Variants in MRAP2 observed in about 807,000 individuals in gnomAD.
The protein encoded by MRAP2 is melanocortin 2 receptor accessory protein 2.
In MRAP2, 20 loss-of-function variants were observed where a neutral mutation model predicts 17.4. The observed-to-expected ratio is 1.15, with a 90% CI of 0.81 to 1.67. The LOEUF (loss-of-function observed/expected upper bound fraction) is 1.67. MRAP2 is among the 40% of genes most tolerant of loss of function. MRAP2 has a pLI of 0.00. For synonymous variants in MRAP2, 96 were observed against 88.4 expected, an observed-to-expected ratio of 1.09 and a Z score of -0.48; for missense variants, 238 against 240.0, an observed-to-expected ratio of 0.99 and a Z score of 0.05.
At chr6:84,045,781 G>GACAC (rs1414022712) in intron 1 of MRAP2, among the ~76,000 whole-genome samples, 2 of 151,786 alleles carry the variant, frequency 1.3e-5, no homozygotes, top group South Asian at 4.2e-4. Context: ...AGTATATACA[G>GACAC]ACACACACAC....
At chr6:84,101,975 G>A in the MRAP2 span, among the ~76,000 whole-genome samples, 1 of 152,164 alleles carries the variant, frequency 6.6e-6, no homozygotes, top group South Asian at 2.1e-4. Context: ...CACAGGGGAT[G>A]TGTGTAAGTC....
At chr6:84,107,945 A>G in the MRAP2 span, among the ~76,000 whole-genome samples, 1 of 152,242 alleles carries the variant, frequency 6.6e-6, no homozygotes, top group African/African-American at 2.4e-5. Context: ...CCAGGATATT[A>G]ACCACTGATC....
At chr6:84,098,672 T>C in the MRAP2 span, among the ~76,000 whole-genome samples, 4 of 152,212 alleles carry the variant, frequency 2.6e-5, no homozygotes, top group Non-Finnish European at 5.9e-5. Flanking sequence ...AATATGCATG[T>C]GTAGTAGTAT....
the MRAP2 span, among the ~76,000 whole-genome samples, chr6:84,104,597 A>G: frequency 3.9e-5 from 6 of 152,298 alleles, no homozygotes; most frequent in East Asian, 1.2e-3. Flanking sequence ...GGCTGGGCGC[A>G]GTGGCTCACG....
chr6:84,060,631 T>A (rs2099492875), intron 2 of MRAP2, among the ~76,000 whole-genome samples: 1 of 152,158 alleles, frequency 6.6e-6, no homozygotes, highest in Non-Finnish European at 1.5e-5. Context: ...AGTTGAGATT[T>A]AATTGTTTCA....
At chr6:84,116,467 A>T in the MRAP2 span, among the ~76,000 whole-genome samples, 168 of 152,210 alleles carry the variant, frequency 1.1e-3, no homozygotes, top group African/African-American at 3.8e-3. Flanking sequence ...AGCCACATAG[A>T]ATTGTGAATC....
intron 1 of MRAP2, among the ~76,000 whole-genome samples, chr6:84,044,486 C>T (rs2099488468): frequency 6.6e-6 from 1 of 152,208 alleles, no homozygotes; most frequent in South Asian, 2.1e-4. Flanking sequence ...GACTGGAAGT[C>T]CAAGATCAAG....
At chr6:84,064,581 G>A (rs1435228651) in intron 3 of MRAP2, among the ~76,000 whole-genome samples, 5 of 152,092 alleles carry the variant, frequency 3.3e-5, no homozygotes, top group African/African-American at 4.8e-5. Context: ...TCCGCCTCCC[G>A]GGTTCACGCC....
At chr6:84,037,247 A>G (rs917109656) in intron 1 of MRAP2, among the ~76,000 whole-genome samples, 1 of 151,860 alleles carries the variant, frequency 6.6e-6, no homozygotes, top group Non-Finnish European at 1.5e-5. Flanking sequence ...TTAGCTAGAC[A>G]TAAAAGTTCT....
the MRAP2 span, chr6:84,124,896 TTA>T: frequency 3.2e-6 from 2 of 623,816 alleles, no homozygotes; most frequent in Non-Finnish European, 2.8e-6. Flanking sequence ...AAATACACCA[TTA>T]TATGTTTTTT....
chr6:84,118,589 G>A, the MRAP2 span, among the ~76,000 whole-genome samples: 1 of 152,190 alleles, frequency 6.6e-6, no homozygotes, highest in East Asian at 1.9e-4. Flanking sequence ...ACTTTCTAAA[G>A]CCTGCAGGCT....
intron 1 of MRAP2, among the ~76,000 whole-genome samples, chr6:84,041,155 C>A (rs1340078675): frequency 6.6e-6 from 1 of 152,174 alleles, no homozygotes; most frequent in East Asian, 1.9e-4. Context: ...ACAAAGGGGC[C>A]AAGGTATAGC....
chr6:84,036,562 C>T (rs137887343), intron 1 of MRAP2, among the ~76,000 whole-genome samples: 25 of 152,122 alleles, frequency 1.6e-4, no homozygotes, highest in East Asian at 5.8e-4. Flanking sequence ...CAGACCTTCA[C>T]GGTGAGTGTT....
chr6:84,060,252 G>A lies in MRAP2; in HGVS notation c.128-2641G>A, dbSNP rs147979191. On this transcript the variant is annotated intron_variant, in intron 2 of 3. Transcript: ENST00000257776. ...CAGCCTGCCTCTCCCCAACTCTGCC[G>A]CCACCTGCCTTCTCTGAAGGCTGTA... Among the ~76,000 whole-genome samples the A allele has an allele frequency of 3.9e-5, 6 of 152,240 alleles. No homozygotes were observed. In the East Asian group the frequency reaches 5.8e-4, roughly 15 times the overall value.
chr6:84,145,477 A>G, the MRAP2 span, among the ~76,000 whole-genome samples: 1 of 152,180 alleles, frequency 6.6e-6, no homozygotes, highest in South Asian at 2.1e-4. Context: ...TATCTCTGAT[A>G]GAAATGAGGG....
At chr6:84,105,632 A>T in the MRAP2 span, among the ~76,000 whole-genome samples, 1 of 152,108 alleles carries the variant, frequency 6.6e-6, no homozygotes, top group Non-Finnish European at 1.5e-5. Flanking sequence ...ACCCTAAGGG[A>T]TCTTCTGTAT....
At chr6:84,127,597 GACTAA>G in the MRAP2 span, among the ~76,000 whole-genome samples, 26 of 152,108 alleles carry the variant, frequency 1.7e-4, no homozygotes, top group Non-Finnish European at 3.1e-4. Context: ...AAAAACTAAT[GACTAA>G]ACTAAGAAAG....
chr6:84,118,254 C>T, the MRAP2 span, among the ~76,000 whole-genome samples: 1 of 151,482 alleles, frequency 6.6e-6, no homozygotes, highest in Admixed American at 6.6e-5. Context: ...TTTAAAGCAG[C>T]ATTCTGGCCG....
the MRAP2 span, among the ~76,000 whole-genome samples, chr6:84,096,082 T>C: frequency 6.6e-6 from 1 of 152,232 alleles, no homozygotes; most frequent in East Asian, 1.9e-4. Flanking sequence ...TTTCCACCTG[T>C]TCTCTATGGA....
Sources: allele counts gnomAD v4.1 joint callset (sites outside exome capture counted in the v4.1 genomes callset), GRCh38; gene constraint gnomAD v4.1.1; transcripts MANE v1.5; gene names NCBI Gene and HGNC (gene_info 2026-07-23, HGNC 2026-07-21).